The following DLGAP1 variants were observed in gnomAD, a reference collection of about 807,000 sequenced individuals.
DLGAP1 encodes DLG associated protein 1, also known as disks large-associated protein 1.
A neutral mutation model predicts 90.8 loss-of-function variants in DLGAP1; 11 were observed. That is an observed-to-expected ratio of 0.12 (90% CI 0.08 to 0.20). DLGAP1 has a LOEUF of 0.20. Among genes scored for constraint, DLGAP1 ranks in the 10% least tolerant of loss-of-function variants. The pLI is 1.00. For missense variants in DLGAP1, 1,050 were observed against 1,333.8 expected, an observed-to-expected ratio of 0.79 and a Z score of 3.31; for synonymous variants, 558 against 540.7, an observed-to-expected ratio of 1.03 and a Z score of -0.44.
intron 5 of DLGAP1, among the ~76,000 whole-genome samples, chr18:3,742,935 T>A (rs77109873): frequency 0.044 from 6,566 of 150,786 alleles, 487 homozygotes; most frequent in African/African-American, 0.15. Context: ...TCTATATTTT[T>A]ATCTATCAAT....
At position 3,639,841 on chromosome 18, in the gene DLGAP1, G is replaced by A. The variant is rs1449758929; in HGVS notation, c.1592-57593C>T. The stretch of plus-strand genomic sequence containing the variant: ...GCGATCTCGGCTCACTGCAAGCTCC[G>A]CCTCCTGGGTTCACGCCATTCTCCT... On this transcript the variant is annotated intron_variant, in intron 7 of 12. Coordinates refer to ENST00000315677, the MANE Select transcript of DLGAP1 (RefSeq NM_004746.4). Among the ~76,000 whole-genome samples, 6 of 132,680 alleles carry A rather than the reference G, an allele frequency of 4.5e-5. 1 individual carries two copies. Among genetic ancestry groups the A allele is most frequent in the African/African-American group, 1.2e-4 (4 of 33,642 alleles). The allele number at this position is 132,680 out of a possible 152,430, so 87.0% of individuals were successfully genotyped here.
intron 4 of DLGAP1, among the ~76,000 whole-genome samples, chr18:3,851,359 C>T (rs914035013): frequency 6.6e-6 from 1 of 152,066 alleles, no homozygotes; most frequent in Non-Finnish European, 1.5e-5. Flanking sequence ...GTGAAGTGAT[C>T]CATGAAGTAA....
chr18:4,301,050 G>C (rs2080113266), intron 1 of DLGAP1, among the ~76,000 whole-genome samples: 1 of 151,864 alleles, frequency 6.6e-6, no homozygotes, highest in African/African-American at 2.4e-5. Context: ...TTATATTATG[G>C]TATATGAATA....
intron 7 of DLGAP1, among the ~76,000 whole-genome samples, chr18:3,627,676 TTAGAGATGGG>T (rs2058346255): frequency 6.6e-6 from 1 of 151,736 alleles, no homozygotes; most frequent in Admixed American, 6.6e-5. Flanking sequence ...ATATATATTT[TTAGAGATGGG>T]GTCTTCCTCT....
At chr18:4,288,730 C>T (rs1177668611) in intron 1 of DLGAP1, among the ~76,000 whole-genome samples, 1 of 152,146 alleles carries the variant, frequency 6.6e-6, no homozygotes, top group Non-Finnish European at 1.5e-5. Flanking sequence ...CACTAGAAGA[C>T]AGCTTAAAAT....
At chr18:3,734,841 T>C (rs1320615399) in intron 6 of DLGAP1, among the ~76,000 whole-genome samples, 2 of 152,202 alleles carry the variant, frequency 1.3e-5, no homozygotes, top group Non-Finnish European at 2.9e-5. Flanking sequence ...TGTGTCAATA[T>C]TCCTCCCACC....
At chr18:3,993,392 T>C (rs2074006896) in intron 3 of DLGAP1, among the ~76,000 whole-genome samples, 1 of 152,164 alleles carries the variant, frequency 6.6e-6, no homozygotes, top group African/African-American at 2.4e-5. Flanking sequence ...TTACAGAGTT[T>C]TGTCCATATG....
At chr18:4,253,546 G>A (rs2078825596) in intron 1 of DLGAP1, among the ~76,000 whole-genome samples, 1 of 152,022 alleles carries the variant, frequency 6.6e-6, no homozygotes, top group Non-Finnish European at 1.5e-5. Flanking sequence ...AAGTAGCTGG[G>A]ATTACAGATG....
At chr18:4,181,272 G>A (rs1042095762) in intron 1 of DLGAP1, among the ~76,000 whole-genome samples, 4 of 152,142 alleles carry the variant, frequency 2.6e-5, no homozygotes, top group East Asian at 3.8e-4. Flanking sequence ...CACTGGATGA[G>A]TTAAGATGTA....
At position 4,055,652 on chromosome 18, in the gene DLGAP1, A is replaced by G. The variant is rs182294850; in HGVS notation, c.-158-50451T>C. Among the ~76,000 whole-genome samples, 849 of 152,256 alleles carry G rather than the reference A, an allele frequency of 5.6e-3. 4 individuals carry two copies. Among genetic ancestry groups the G allele is most frequent in the South Asian group, 0.024 (116 of 4,818 alleles). On this transcript the variant is annotated intron_variant, in intron 2 of 12. Transcript: ENST00000315677. ...ATTGGCCAGTGCAAGTCCCAGGGTC[A>G]CGACTAACTGTAAATAAGGCAGGGA...
At chr18:4,162,004 T>G (rs1474704638) in intron 1 of DLGAP1, among the ~76,000 whole-genome samples, 2 of 152,166 alleles carry the variant, frequency 1.3e-5, no homozygotes, top group Non-Finnish European at 2.9e-5. Flanking sequence ...CTGCAGCCAT[T>G]TTGTCATTGT....
chr18:3,510,356 T>TATTATCTAG, intron 10 of DLGAP1, among the ~76,000 whole-genome samples: 1 of 152,268 alleles, frequency 6.6e-6, no homozygotes, highest in Non-Finnish European at 1.5e-5. Flanking sequence ...AATTATTTGT[T>TATTATCTAG]ATTATCTAGG....
intron 5 of DLGAP1, among the ~76,000 whole-genome samples, chr18:3,768,773 T>A (rs1286672606): frequency 3.9e-5 from 6 of 152,076 alleles, no homozygotes; most frequent in Admixed American, 2.0e-4. Context: ...TTACGCAAAC[T>A]CAAAATTGAT....
At chr18:3,999,705 T>C (rs2074142023) in intron 3 of DLGAP1, among the ~76,000 whole-genome samples, 1 of 36,890 alleles carries the variant, frequency 2.7e-5, no homozygotes, top group Non-Finnish European at 5.1e-5. Context: ...CAAGTGTCGC[T>C]TACAAATTAT....
intron 2 of DLGAP1, among the ~76,000 whole-genome samples, chr18:4,133,616 T>C (rs1461052698): frequency 6.6e-6 from 1 of 152,186 alleles, no homozygotes; most frequent in African/African-American, 2.4e-5. Flanking sequence ...ACTTAGTTGC[T>C]TGGGTGAGTT....
intron 1 of DLGAP1, among the ~76,000 whole-genome samples, chr18:4,440,440 T>C (rs914992825): frequency 5.3e-5 from 8 of 152,198 alleles, no homozygotes; most frequent in Non-Finnish European, 8.8e-5. Flanking sequence ...TGGTTAAACC[T>C]TTGGCCATCT....
intron 10 of DLGAP1, among the ~76,000 whole-genome samples, chr18:3,516,652 T>G (rs1275954037): frequency 6.6e-6 from 1 of 152,172 alleles, no homozygotes; most frequent in Non-Finnish European, 1.5e-5. Context: ...CTGGGGAGGC[T>G]TCAGTCATGG....
intron 1 of DLGAP1, among the ~76,000 whole-genome samples, chr18:4,198,004 G>A (rs558818523): frequency 2.0e-5 from 3 of 151,960 alleles, no homozygotes; most frequent in African/African-American, 4.8e-5. Context: ...GGCGGATCAC[G>A]AGATCAGGAG....
chr18:3,998,859 A>C (rs919648210), intron 3 of DLGAP1, among the ~76,000 whole-genome samples: 1 of 152,210 alleles, frequency 6.6e-6, no homozygotes, highest in Non-Finnish European at 1.5e-5. Flanking sequence ...TCATTATGAT[A>C]ACATTCCGCT....
Sources: gnomAD v4.1 joint callset for allele counts (sites outside exome capture counted in the v4.1 genomes callset) on GRCh38, gnomAD v4.1.1 for gene constraint, MANE v1.5 for transcripts, NCBI Gene and HGNC (gene_info 2026-07-23, HGNC 2026-07-21) for gene names.